STUM: variants seen among roughly 807,000 people sequenced by gnomAD.
STUM encodes the protein stum, mechanosensory transduction mediator homolog, also known as protein stum homolog.
Under a neutral mutation model 15.3 loss-of-function variants are expected in STUM, and 8 were observed. That is an observed-to-expected ratio of 0.52 (90% CI 0.31 to 0.94). The LOEUF (loss-of-function observed/expected upper bound fraction) is 0.94. Among genes scored for constraint, STUM ranks in the 40% least tolerant of loss-of-function variants. The pLI is 0.05. For synonymous variants in STUM, 78 were observed against 88.7 expected, an observed-to-expected ratio of 0.88 and a Z score of 0.68; for missense variants, 142 against 204.9, an observed-to-expected ratio of 0.69 and a Z score of 1.87.
intron 1 of STUM, among the ~76,000 whole-genome samples, chr1:226,562,094 T>G (rs1667550556): frequency 6.6e-6 from 1 of 152,018 alleles, no homozygotes; most frequent in African/African-American, 2.4e-5. Flanking sequence ...GTTCTAAAAT[T>G]GATTGTGGTG....
At chr1:226,596,638 A>G (rs1668184351) in intron 1 of STUM, among the ~76,000 whole-genome samples, 164 bp from the exon 2 acceptor site, 2 of 152,156 alleles carry the variant, frequency 1.3e-5, no homozygotes, top group South Asian at 4.1e-4. Flanking sequence ...GAGGTGGGCC[A>G]GGGTCTGGGC....
At chr1:226,576,394 T>C (rs1036919776) in intron 1 of STUM, among the ~76,000 whole-genome samples, 2 of 152,096 alleles carry the variant, frequency 1.3e-5, no homozygotes, top group African/African-American at 4.8e-5. Context: ...TTCCCCCCAT[T>C]CTGCAAAAGC....
intron 1 of STUM, among the ~76,000 whole-genome samples, chr1:226,573,883 G>A (rs1667761835): frequency 6.6e-6 from 1 of 150,648 alleles, no homozygotes; most frequent in Non-Finnish European, 1.5e-5. Context: ...TCGCCAGGCT[G>A]GGGTGCAGTG....
rs553019537 is a variant in STUM at position 226,576,146 on chromosome 1, C to T, written c.203-20656C>T. ...CCAGAATGGAGCACGACTCCTCTTC[C>T]GGCCGCTCCCTGGCAGGTGGAGTGA... On this transcript the variant is annotated intron_variant, in intron 1 of 3. Coordinates refer to ENST00000366788, the MANE Select transcript of STUM (RefSeq NM_001003665.4). Among the ~76,000 whole-genome samples the T allele has an allele frequency of 4.6e-5, 7 of 152,370 alleles. No individual in the cohort carries two copies. The East Asian group carries it at 1.2e-3, about 25-fold the overall frequency.
chr1:226,582,628 C>T lies in STUM; in HGVS notation c.203-14174C>T, dbSNP rs528352689. Among the ~76,000 whole-genome samples the T allele has an allele frequency of 5.3e-5, 8 of 152,092 alleles. No homozygotes were observed. In the South Asian group the frequency reaches 6.2e-4, roughly 12 times the overall value. On this transcript the variant is annotated intron_variant, in intron 1 of 3. Coordinates refer to ENST00000366788, the MANE Select transcript of STUM (RefSeq NM_001003665.4). ...AAAAAAAAGACATCAGTATGTGGAC[C>T]CTGAAGGGTCACCCCAAAGTCAATC...
chr1:226,591,639 T>A (rs1668086868), intron 1 of STUM, among the ~76,000 whole-genome samples: 1 of 152,128 alleles, frequency 6.6e-6, no homozygotes, highest in Non-Finnish European at 1.5e-5. Flanking sequence ...CCAGTGAGAT[T>A]TCATCTTTTG....
chr1:226,607,755 CCCT>C lies in STUM; in HGVS notation c.*5717_*5719del. On this transcript the variant is annotated 3_prime_UTR_variant, in exon 4 of 4. Transcript: ENST00000366788. ...TAGCTAGGGAAACTCGGCCCTCAAA[CCCT>C]CTCCCTCTCTGCCTGAATTTGCCAA... 1 of 152,404 alleles carries C rather than the reference CCCT, an allele frequency of 6.6e-6. No individual in the cohort carries two copies. Among genetic ancestry groups the C allele is most frequent in the Non-Finnish European group, 1.5e-5 (1 of 68,076 alleles). The allele number at this position is 152,404 out of a possible 1,614,324, so 9.4% of individuals were successfully genotyped here. A position where few individuals can be genotyped will look rare whatever the true frequency, so the allele number is the denominator to read the frequency against.
At chr1:226,585,227 C>A (rs1308534404) in intron 1 of STUM, among the ~76,000 whole-genome samples, 1 of 152,158 alleles carries the variant, frequency 6.6e-6, no homozygotes, top group Non-Finnish European at 1.5e-5. Context: ...AACGTGAGAG[C>A]AGGATTCATT....
At chr1:226,566,288 C>T (rs529577230) in intron 1 of STUM, among the ~76,000 whole-genome samples, 1 of 152,240 alleles carries the variant, frequency 6.6e-6, no homozygotes, top group South Asian at 2.1e-4. Flanking sequence ...TGAAAGAATC[C>T]CTTTTGATAG....
intron 1 of STUM, among the ~76,000 whole-genome samples, chr1:226,587,276 C>T (rs1401942564): frequency 1.3e-5 from 2 of 152,150 alleles, no homozygotes; most frequent in African/African-American, 2.4e-5. Context: ...GAACTGATGT[C>T]ACAGTCAGGA....
At chr1:226,572,504 A>G (rs1381237192) in intron 1 of STUM, among the ~76,000 whole-genome samples, 4 of 152,192 alleles carry the variant, frequency 2.6e-5, no homozygotes, top group African/African-American at 9.7e-5. Context: ...GGGAAAGTGG[A>G]GCTGGTCACA....
intron 1 of STUM, among the ~76,000 whole-genome samples, chr1:226,578,717 G>A (rs1174743025): frequency 1.3e-5 from 2 of 152,078 alleles, no homozygotes; most frequent in Non-Finnish European, 2.9e-5. Flanking sequence ...CTCGGTGAAG[G>A]CCAAGTTTAA....
In STUM at chr1:226,608,752, T is replaced by C. The variant is rs1668401219; in HGVS notation, c.*6712T>C. On this transcript the variant is annotated 3_prime_UTR_variant, in exon 4 of 4. Coordinates refer to ENST00000366788, the MANE Select transcript of STUM (RefSeq NM_001003665.4). The surrounding 1 kb of genome is among the most constrained non-coding windows in gnomAD (Gnocchi z 4.0). ...GAAACCCTTCTTGGAAGAAAACGTC[T>C]AATGTCGGGGACGTAGGGACGCTTC... 1 of 152,200 alleles carries C rather than the reference T, an allele frequency of 6.6e-6. No homozygotes were observed. The highest frequency in any genetic ancestry group is 6.5e-5 in the Admixed American group (1 of 15,290). The allele number at this position is 152,200 out of a possible 1,614,324, so 9.4% of individuals were successfully genotyped here.
At chr1:226,575,114 T>G (rs1667787788) in intron 1 of STUM, among the ~76,000 whole-genome samples, 1 of 152,178 alleles carries the variant, frequency 6.6e-6, no homozygotes, top group South Asian at 2.1e-4. Flanking sequence ...GAGAGCCTGA[T>G]GGACCTGCCC....
intron 3 of STUM, 35 bp from the exon 4 acceptor site, chr1:226,601,971 T>G: frequency 6.2e-7 from 1 of 1,602,084 alleles, no homozygotes. Context: ...AGTAAGCAGG[T>G]GTCTAACCAT....
intron 1 of STUM, among the ~76,000 whole-genome samples, chr1:226,581,365 T>A (rs879536349): frequency 4.6e-5 from 7 of 152,246 alleles, no homozygotes; most frequent in Non-Finnish European, 1.0e-4. Context: ...CCATTTTCTG[T>A]TGCTATAACA....
Position 226,600,700 on chromosome 1 carries a change from C to T in STUM, c.391+26C>T. On this transcript the variant is annotated intron_variant, in intron 3 of 3. Transcript: ENST00000366788. This position sits in a 1 kb window ranked among gnomAD's most constrained non-coding sequence, Gnocchi z 5.2. ...GTGAGTCTGCGGATGGACGTGCGGG[C>T]CTCGTGCTGCTGCTTGGGGCCCTCC... The T allele has an allele frequency of 1.2e-6, 2 of 1,609,626 alleles. No homozygotes were observed. Among genetic ancestry groups the T allele is most frequent in the Non-Finnish European group, 8.5e-7 (1 of 1,179,932 alleles).
chr1:226,599,063 C>T (rs1232805438), intron 2 of STUM, among the ~76,000 whole-genome samples: 2 of 152,126 alleles, frequency 1.3e-5, no homozygotes, highest in Non-Finnish European at 2.9e-5. Context: ...CATCAGATCT[C>T]GTGAGACTCA....
At chr1:226,595,002 G>A (rs1264244841) in intron 1 of STUM, among the ~76,000 whole-genome samples, 1 of 152,190 alleles carries the variant, frequency 6.6e-6, no homozygotes, top group South Asian at 2.1e-4. Flanking sequence ...GATCACAGAG[G>A]TGGAGAAGTC....
Sources: gnomAD v4.1 joint callset for allele counts (sites outside exome capture counted in the v4.1 genomes callset) on GRCh38, gnomAD v4.1.1 for gene constraint, Gnocchi (gnomAD v3.1) non-coding constraint, MANE v1.5 for transcripts, NCBI Gene and HGNC (gene_info 2026-07-23, HGNC 2026-07-21) for gene names.